VPS16: variants seen among roughly 807,000 people sequenced by gnomAD.
VPS16 encodes the protein VPS16 core subunit of CORVET and HOPS complexes, also known as vacuolar protein sorting-associated protein 16 homolog.
VPS16 carries 82 observed loss-of-function variants against 116.0 expected under a neutral mutation model. The observed-to-expected ratio is 0.71, with a 90% CI of 0.59 to 0.85. The LOEUF (loss-of-function observed/expected upper bound fraction) is 0.85. Among genes scored for constraint, VPS16 ranks in the 40% least tolerant of loss-of-function variants. The probability of loss-of-function intolerance (pLI) is 0.00; values close to 1 mark genes in which losing one functional copy is unlikely to be tolerated. For missense variants in VPS16, 928 were observed against 1,090.6 expected (o/e 0.85, Z 2.10); for synonymous variants, 406 against 420.7 (o/e 0.96, Z 0.43).
intron 1 of VPS16, among the ~76,000 whole-genome samples, chr20:2,850,369 C>T (rs2089105654): frequency 6.6e-6 from 1 of 151,806 alleles, no homozygotes; most frequent in South Asian, 2.1e-4. Flanking sequence ...TGGCTCATGC[C>T]TGTAATCCCA....
Position 2,860,453 on chromosome 20 carries a change from T to C in VPS16, c.374T>C (p.Val125Ala). 1 of 1,614,064 alleles carries C rather than the reference T, an allele frequency of 6.2e-7. No homozygotes were observed. Among genetic ancestry groups the C allele is most frequent in the Non-Finnish European group, 8.5e-7 (1 of 1,180,004 alleles). The change falls in exon 5 of 24, where the codon GTG becomes GCG. Residue 125 changes from valine to alanine, a missense_variant. Val to Ala is a moderately conservative substitution (Grantham distance 64). Coordinates refer to ENST00000380445, the MANE Select transcript of VPS16 (RefSeq NM_022575.4). The surrounding 1 kb of genome is among the most constrained non-coding windows in gnomAD (Gnocchi z 6.1). Reference sequence around the variant, plus strand: ...CCCATGGCCCCCTTTCCTCAGGAAGTGCTCCAGAACCGGGTTCTGGATGCC... The same window carrying C: ...CCCATGGCCCCCTTTCCTCAGGAAGCGCTCCAGAACCGGGTTCTGGATGCC... ...FRRHFSMGNE[V>A]LQNRVLDARI...
intron 1 of VPS16, among the ~76,000 whole-genome samples, chr20:2,842,853 G>T (rs527744625): frequency 7.7e-5 from 11 of 142,854 alleles, no homozygotes; most frequent in East Asian, 4.4e-4. Flanking sequence ...TCGATAGATA[G>T]ATGTATCTAT....
At chr20:2,866,391 G>A in intron 23 of VPS16, 39 bp from the exon 24 acceptor site, 1 of 1,614,078 alleles carries the variant, frequency 6.2e-7, no homozygotes, top group Non-Finnish European at 8.5e-7. Flanking sequence ...GTGCCCTTGA[G>A]CAGCCCCAAC....
Position 2,861,080 on chromosome 20 carries a change from A to T in VPS16, c.741A>T (p.Thr247=). The T allele has an allele frequency of 1.2e-6, 2 of 1,614,228 alleles. No individual in the cohort carries two copies. Among genetic ancestry groups the T allele is most frequent in the African/African-American group, 2.7e-5 (2 of 75,060 alleles). Residue 247 remains threonine (T), a synonymous_variant, in exon 7 of 24, where the codon ACA becomes ACT. Transcript: ENST00000380445. Reference sequence around the variant, plus strand: ...ACACAGGCTACATCTGGATGGGGACAGCATCACTCAAGGTATGATCCTGGG... The same window carrying T: ...ACACAGGCTACATCTGGATGGGGACTGCATCACTCAAGGTATGATCCTGGG... ...FTDTGYIWMG[T]ASLKEKLCEF...
Position 2,866,453 on chromosome 20 carries a change from TGGCCATC to T in VPS16, c.2401_2407del (p.Ala801AsnfsTer8). 2 of 1,614,162 alleles carry T rather than the reference TGGCCATC, an allele frequency of 1.2e-6. No individual in the cohort carries two copies. Among genetic ancestry groups the T allele is most frequent in the Non-Finnish European group, 1.7e-6 (2 of 1,180,028 alleles). ...AGCGATGTGGCTCAGGCTGCAGATG[TGGCCATC>T]GAACACCGGAATGAGGCTGAGCTGA... On this transcript the variant is annotated frameshift_variant, in exon 24 of 24. Coordinates refer to ENST00000380445, the MANE Select transcript of VPS16 (RefSeq NM_022575.4). LOFTEE classifies it high-confidence loss of function.
Position 2,864,891 on chromosome 20 carries a change from A to G in VPS16, c.1927-87A>G. The G allele has an allele frequency of 1.3e-5, 20 of 1,575,290 alleles. No individual in the cohort carries two copies. Among genetic ancestry groups the G allele is most frequent in the Non-Finnish European group, 1.7e-5 (20 of 1,148,184 alleles). ...GGCTGACCCTGGCGACCCTGGGCAC[A>G]GGGATGGGGGAGAAGACTGTAGCCT... On this transcript the variant is annotated intron_variant, in intron 19 of 23. Coordinates refer to ENST00000380445, the MANE Select transcript of VPS16 (RefSeq NM_022575.4). This position sits in a 1 kb window ranked among gnomAD's most constrained non-coding sequence, Gnocchi z 5.2.
intron 1 of VPS16, among the ~76,000 whole-genome samples, chr20:2,841,523 T>G (rs2088974418): frequency 6.6e-6 from 1 of 152,210 alleles, no homozygotes; most frequent in Admixed American, 6.5e-5. Context: ...CCCTAACCAG[T>G]CTGCAGTTTC....
Position 2,860,278 on chromosome 20 carries a change from G to A in VPS16, c.280G>A (p.Glu94Lys). The A allele has an allele frequency of 6.2e-7, 1 of 1,614,136 alleles. No homozygotes were observed. Among genetic ancestry groups the A allele is most frequent in the Non-Finnish European group, 8.5e-7 (1 of 1,180,024 alleles). ...CGTGGTGTCCCTGGGCTGGTCAGCTGAGGAGGAGCTGCTCTGTGTGCAGGA... is the reference window on the plus strand; with the variant it reads ...CGTGGTGTCCCTGGGCTGGTCAGCTAAGGAGGAGCTGCTCTGTGTGCAGGA... The part of the protein sequence containing the change: ...GPVVSLGWSA[E>K]EELLCVQEDG... Residue 94 changes from glutamate to lysine, a missense_variant, in exon 4 of 24, where the codon GAG becomes AAG. Transcript: ENST00000380445. The surrounding 1 kb of genome is among the most constrained non-coding windows in gnomAD (Gnocchi z 6.1).
chr20:2,851,905 A>G (rs1393522148), intron 1 of VPS16, among the ~76,000 whole-genome samples: 1 of 152,000 alleles, frequency 6.6e-6, no homozygotes, highest in African/African-American at 2.4e-5. Context: ...CGGGAGGCGG[A>G]GCTTGCAGGA....
Position 2,863,823 on chromosome 20 carries a change from G to A in VPS16, c.1477-126G>A, listed in dbSNP as rs10211799. 39 of 1,177,952 alleles carry A rather than the reference G, an allele frequency of 3.3e-5. No homozygotes were observed. Among genetic ancestry groups the A allele is most frequent in the South Asian group, 1.7e-4 (11 of 63,586 alleles). The allele number at this position is 1,177,952 out of a possible 1,614,324, so 73.0% of individuals were successfully genotyped here. A position where few individuals can be genotyped will look rare whatever the true frequency, so the allele number is the denominator to read the frequency against. ...GGGAAAGAGAGAGAAAGAAGAAAGA[G>A]AGAAAGAAAGAAAGAAGAAGGAAGG... On this transcript the variant is annotated intron_variant, in intron 15 of 23. Transcript: ENST00000380445. The surrounding 1 kb of genome is among the most constrained non-coding windows in gnomAD (Gnocchi z 4.4).
intron 1 of VPS16, among the ~76,000 whole-genome samples, chr20:2,853,578 A>C (rs1568624636): frequency 6.6e-6 from 1 of 152,290 alleles, no homozygotes; most frequent in East Asian, 1.9e-4. Context: ...TGAACCCCTC[A>C]AAGTCATCCA....
intron 1 of VPS16, among the ~76,000 whole-genome samples, chr20:2,856,701 A>G (rs890424499): frequency 1.3e-5 from 2 of 152,196 alleles, no homozygotes; most frequent in African/African-American, 4.8e-5. Context: ...TTCTTCCTAT[A>G]TGGCCCATAG....
At position 2,860,535 on chromosome 20, in the gene VPS16, C is replaced by T. The variant is rs998345393; in HGVS notation, c.456C>T (p.Arg152=). The change falls in exon 5 of 24, where the codon CGC becomes CGT. Residue 152 remains arginine, a synonymous_variant. Coordinates refer to ENST00000380445, the MANE Select transcript of VPS16 (RefSeq NM_022575.4). The surrounding 1 kb of genome is among the most constrained non-coding windows in gnomAD (Gnocchi z 6.1). ...SGVAILTGAH[R]FTLSANVGDL... is the part of the protein sequence containing the mutation. ...TGGCCATCCTCACAGGGGCCCACCG[C>T]TTCACCCTCAGTGCCAATGTGGGTG... is the stretch of plus-strand genomic sequence containing the variant. 3 of 1,613,912 alleles carry T rather than the reference C, an allele frequency of 1.9e-6. No individual in the cohort carries two copies. The highest frequency in any genetic ancestry group is 2.5e-6 in the Non-Finnish European group (3 of 1,180,024).
chr20:2,850,756 C>T (rs1465042415), intron 1 of VPS16, among the ~76,000 whole-genome samples: 2 of 151,178 alleles, frequency 1.3e-5, no homozygotes, highest in Non-Finnish European at 3.0e-5. Context: ...TCACACAAGC[C>T]CAGGAGTTTG....
intron 1 of VPS16, among the ~76,000 whole-genome samples, chr20:2,849,365 A>AT (rs1442605409): frequency 6.8e-6 from 1 of 146,714 alleles, no homozygotes; most frequent in African/African-American, 2.6e-5. Context: ...CAATGGCACG[A>AT]TTTTGGCTCA....
At chr20:2,843,827 A>C (rs923265961) in intron 1 of VPS16, among the ~76,000 whole-genome samples, 8 of 152,090 alleles carry the variant, frequency 5.3e-5, no homozygotes, top group Non-Finnish European at 1.2e-4. Flanking sequence ...TGATTAATCT[A>C]CTCTTACCTG....
In VPS16 at chr20:2,860,673, C is replaced by T; in HGVS notation, c.515-75C>T. The T allele has an allele frequency of 6.2e-7, 1 of 1,610,198 alleles. No individual in the cohort carries two copies. Among genetic ancestry groups the T allele is most frequent in the Non-Finnish European group, 8.5e-7 (1 of 1,177,950 alleles). On this transcript the variant is annotated intron_variant, in intron 5 of 23. Coordinates refer to ENST00000380445, the MANE Select transcript of VPS16 (RefSeq NM_022575.4). This position sits in a 1 kb window ranked among gnomAD's most constrained non-coding sequence, Gnocchi z 6.1. ...CCTGTGAGACCCATAAAAACAGAAG[C>T]TGTGGCTAGAGACCCATAGAAACAG...
intron 1 of VPS16, 38 bp from the exon 2 acceptor site, chr20:2,859,681 G>A: frequency 6.2e-7 from 1 of 1,604,544 alleles, no homozygotes; most frequent in Non-Finnish European, 8.5e-7. Context: ...CGGATGCAGG[G>A]TAATGAGGCT....
chr20:2,850,965 CAAAAAAAAAA>C (rs57731229), intron 1 of VPS16, among the ~76,000 whole-genome samples: 4 of 91,448 alleles, frequency 4.4e-5, no homozygotes, highest in Non-Finnish European at 9.8e-5. Context: ...GTAAGACTGT[CAAAAAAAAAA>C]AAAAAAAAGA....
Sources: allele counts gnomAD v4.1 joint callset (sites outside exome capture counted in the v4.1 genomes callset), GRCh38; gene constraint gnomAD v4.1.1; non-coding constraint Gnocchi (gnomAD v3.1); transcripts MANE v1.5; gene names NCBI Gene and HGNC (gene_info 2026-07-23, HGNC 2026-07-21).